Variants in PCLO observed in about 807,000 individuals in gnomAD.
PCLO encodes the protein protein piccolo.
In PCLO, 82 loss-of-function variants were observed where a neutral mutation model predicts 427.5. The observed-to-expected ratio is 0.19, with a 90% CI of 0.16 to 0.23. PCLO has a LOEUF of 0.23. PCLO is among the 10% of genes least tolerant of loss of function. PCLO has a pLI of 1.00. For missense variants in PCLO, 6,239 were observed against 6,115.9 expected (o/e 1.02, Z -0.67); for synonymous variants, 2,357 against 2,155.4 (o/e 1.09, Z -2.59).
At chr7:82,789,479 G>A (rs7790587) in intron 22 of PCLO, among the ~76,000 whole-genome samples, 52,971 of 151,942 alleles carry the variant, frequency 0.35, 9,700 homozygotes, top group African/African-American at 0.42. Flanking sequence ...ACTGAGGCGG[G>A]TGGATCACCT....
intron 1 of PCLO, among the ~76,000 whole-genome samples, chr7:83,158,164 A>G (rs1034754939): frequency 1.1e-4 from 17 of 152,066 alleles, no homozygotes; most frequent in African/African-American, 3.9e-4. Flanking sequence ...AATTTCCTCC[A>G]AGGAAAAGTT....
intron 4 of PCLO, among the ~76,000 whole-genome samples, chr7:82,964,210 C>A (rs1584228894): frequency 6.6e-6 from 1 of 152,130 alleles, no homozygotes; most frequent in East Asian, 1.9e-4. Flanking sequence ...AAGTGTGATA[C>A]CTTCATTGTG....
intron 9 of PCLO, among the ~76,000 whole-genome samples, chr7:82,884,541 T>C (rs1793585011): frequency 1.3e-5 from 2 of 152,230 alleles, no homozygotes; most frequent in South Asian, 4.1e-4. Context: ...TTTTCTTTTT[T>C]CTTCATTTTA....
intron 6 of PCLO, among the ~76,000 whole-genome samples, chr7:82,926,576 G>A (rs1794717402): frequency 6.6e-6 from 1 of 152,134 alleles, no homozygotes; most frequent in Non-Finnish European, 1.5e-5. Context: ...ACAGCACTCA[G>A]TGTTTTATCA....
At chr7:83,043,217 G>A (rs1184219508) in intron 3 of PCLO, among the ~76,000 whole-genome samples, 1 of 152,100 alleles carries the variant, frequency 6.6e-6, no homozygotes, top group Non-Finnish European at 1.5e-5. Context: ...TTTAACATTA[G>A]CGAAGCTGAA....
chr7:83,079,976 G>C (rs1373875194), intron 3 of PCLO, among the ~76,000 whole-genome samples: 1 of 151,932 alleles, frequency 6.6e-6, no homozygotes, highest in African/African-American at 2.4e-5. Flanking sequence ...TGTGGTGTTT[G>C]ATTTTCTGTT....
chr7:83,111,756 A>T (rs1791007795), intron 3 of PCLO, among the ~76,000 whole-genome samples: 1 of 152,238 alleles, frequency 6.6e-6, no homozygotes, highest in East Asian at 1.9e-4. Context: ...ATTGTTATAA[A>T]GTGCTAAATT....
intron 3 of PCLO, among the ~76,000 whole-genome samples, chr7:82,993,914 C>T (rs1292562719): frequency 3.9e-5 from 6 of 151,908 alleles, no homozygotes; most frequent in African/African-American, 1.4e-4. Flanking sequence ...AATGAGACTT[C>T]TAACACTATT....
At chr7:82,888,055 G>A (rs1470946496) in intron 9 of PCLO, among the ~76,000 whole-genome samples, 1 of 151,304 alleles carries the variant, frequency 6.6e-6, no homozygotes, top group African/African-American at 2.4e-5. Context: ...GGGTGACAGA[G>A]TAAGGCTCCA....
At chr7:83,006,982 C>T (rs10277466) in intron 3 of PCLO, among the ~76,000 whole-genome samples, 89,926 of 151,112 alleles carry the variant, frequency 0.6, 27,681 homozygotes, top group East Asian at 0.86. Context: ...GTATTTATTA[C>T]GTTAATTTAC....
chr7:82,981,402 A>T (rs1796143365), intron 3 of PCLO, among the ~76,000 whole-genome samples: 1 of 152,138 alleles, frequency 6.6e-6, no homozygotes, highest in Admixed American at 6.6e-5. Context: ...ATTAAACAGG[A>T]TCATTCAAAA....
rs767416857 is a variant in PCLO at position 82,952,075 on chromosome 7, T to C, written c.8878A>G (p.Thr2960Ala). The C allele has an allele frequency of 3.2e-5, 52 of 1,613,850 alleles. No individual in the cohort carries two copies. The highest frequency in any genetic ancestry group is 2.7e-4 in the East Asian group (12 of 44,892). ...GRSCTAQQPA[T>A]TLPEDRFGYR... ...CCAAAACGATCCTCAGGAAGAGTAGTTGCAGGCTGCTGTGCTGTGCAGCTC... is the reference window on the plus strand; with the variant it reads ...CCAAAACGATCCTCAGGAAGAGTAGCTGCAGGCTGCTGTGCTGTGCAGCTC... The change falls in exon 5 of 25, where the codon ACT (threonine) becomes GCT (alanine). Residue 2960 changes from threonine to alanine, a missense_variant. Physicochemically the swap from Thr to Ala is moderately conservative, Grantham distance 58 (BLOSUM62 0). Transcript: ENST00000333891.
chr7:82,995,876 G>A (rs747400129), intron 3 of PCLO, among the ~76,000 whole-genome samples: 1 of 151,874 alleles, frequency 6.6e-6, no homozygotes, highest in South Asian at 2.1e-4. Flanking sequence ...TGTTTTGTTT[G>A]ACATATAAGT....
rs1795475153 is a variant in PCLO at position 82,955,058 on chromosome 7, G to A, written c.5895C>T (p.Tyr1965=). The A allele has an allele frequency of 6.2e-7, 1 of 1,613,680 alleles. No homozygotes were observed. The highest frequency in any genetic ancestry group is 8.5e-7 in the Non-Finnish European group (1 of 1,179,866). Residue 1965 remains tyrosine, a synonymous_variant, in exon 5 of 25, where the codon TAC becomes TAT. Coordinates refer to ENST00000333891, the MANE Select transcript of PCLO (RefSeq NM_033026.6). ...GCAGACTGCCATCTACCGATCCATT[G>A]TACGTGTCTTCTACTAAAGATTCAT... The part of the protein sequence containing the change: ...YIYESLVEDT[Y]NGSVDGSLLT...
At chr7:82,970,971 T>C (rs999320312) in intron 3 of PCLO, among the ~76,000 whole-genome samples, 2 of 151,880 alleles carry the variant, frequency 1.3e-5, no homozygotes, top group African/African-American at 4.8e-5. Flanking sequence ...AAATACTCTA[T>C]AACCTAAACA....
chr7:83,125,449 A>G (rs1017877690), intron 3 of PCLO, among the ~76,000 whole-genome samples: 4 of 152,214 alleles, frequency 2.6e-5, no homozygotes, highest in African/African-American at 7.2e-5. Flanking sequence ...CGAATAGAAA[A>G]GGGGGAGATG....
chr7:83,023,821 A>C (rs1368554903), intron 3 of PCLO, among the ~76,000 whole-genome samples: 1 of 152,234 alleles, frequency 6.6e-6, no homozygotes, highest in Non-Finnish European at 1.5e-5. Context: ...TCTCTAAATT[A>C]TTAATGTCAT....
chr7:83,123,027 GAATT>G (rs1584053056), intron 3 of PCLO, among the ~76,000 whole-genome samples: 3 of 152,046 alleles, frequency 2.0e-5, no homozygotes, highest in African/African-American at 4.8e-5. Flanking sequence ...TGGATTAGAA[GAATT>G]AATATTGTTA....
intron 9 of PCLO, among the ~76,000 whole-genome samples, chr7:82,882,812 C>G (rs536456183): frequency 1.1e-3 from 170 of 152,024 alleles, no homozygotes; most frequent in Non-Finnish European, 2.1e-3. Context: ...ATGCACAACA[C>G]AAACATGAGC....
Sources: allele counts gnomAD v4.1 joint callset (sites outside exome capture counted in the v4.1 genomes callset), GRCh38; gene constraint gnomAD v4.1.1; transcripts MANE v1.5; gene names NCBI Gene and HGNC (gene_info 2026-07-23, HGNC 2026-07-21).